Variants in ARID1A observed in about 807,000 individuals in gnomAD.
The protein encoded by ARID1A is AT-rich interactive domain-containing protein 1A.
In ARID1A, 20 loss-of-function variants were observed where a neutral mutation model predicts 212.6. That is an observed-to-expected ratio of 0.09 (90% CI 0.07 to 0.14). ARID1A has a LOEUF of 0.14. ARID1A is among the 10% of genes least tolerant of loss of function. ARID1A has a pLI of 1.00. For missense variants in ARID1A, 2,587 were observed against 3,059.0 expected (o/e 0.85, Z 3.64); for synonymous variants, 1,376 against 1,222.1 (o/e 1.13, Z -2.63).
intron 1 of ARID1A, among the ~76,000 whole-genome samples, chr1:26,700,298 C>G (rs1306844379): frequency 6.6e-6 from 1 of 152,158 alleles, no homozygotes; most frequent in Non-Finnish European, 1.5e-5. Context: ...CTGGCGCAGT[C>G]TTAGATTAAG....
chr1:26,700,882 A>T (rs1290214247), intron 1 of ARID1A, among the ~76,000 whole-genome samples: 1 of 152,188 alleles, frequency 6.6e-6, no homozygotes, highest in Non-Finnish European at 1.5e-5. Flanking sequence ...TCTACTGTTC[A>T]TGAGAGAGCT....
chr1:26,779,850 G>A lies in ARID1A; in HGVS notation c.5952G>A (p.Val1984=), dbSNP rs2124144426. Residue 1984 remains valine, a synonymous_variant, in exon 20 of 20, where the codon GTG becomes GTA. Coordinates refer to ENST00000324856, the MANE Select transcript of ARID1A (RefSeq NM_006015.6). The part of the protein sequence containing the change: ...QDSLAKRCVC[V]SNTIRSLSFV... ...CTCTTGCCAAGCGCTGCGTCTGTGT[G>A]TCCAATACCATTCGAAGCCTGTCAT... 1 of 1,614,116 alleles carries A rather than the reference G, an allele frequency of 6.2e-7. No homozygotes were observed. Among genetic ancestry groups the A allele is most frequent in the Non-Finnish European group, 8.5e-7 (1 of 1,180,038 alleles).
At chr1:26,707,619 A>C (rs2080405834) in intron 1 of ARID1A, among the ~76,000 whole-genome samples, 1 of 152,166 alleles carries the variant, frequency 6.6e-6, no homozygotes, top group Non-Finnish European at 1.5e-5. Context: ...CTGGGATTAC[A>C]GGCGTGAGCC....
intron 1 of ARID1A, among the ~76,000 whole-genome samples, chr1:26,697,853 AGG>A (rs2080292213): frequency 3.3e-4 from 1 of 3,032 alleles, no homozygotes; most frequent in African/African-American, 1.2e-3. Context: ...GCCGGGGGTG[AGG>A]GGGTGAGGGG....
In ARID1A at chr1:26,766,210, T is replaced by C. The variant is rs2124079002; in HGVS notation, c.2733-11T>C. ...ACCTTTGTCTCTCTCACTTTCCATC[T>C]TCTTCCTTAGGCCGCCAGGCTACCC... On this transcript the variant is annotated splice_polypyrimidine_tract_variant and intron_variant, in intron 8 of 19. Coordinates refer to ENST00000324856, the MANE Select transcript of ARID1A (RefSeq NM_006015.6). 6.2e-7 allele frequency: 1 copy of C among 1,611,570 alleles called. No individual in the cohort carries two copies. The highest frequency in any genetic ancestry group is 8.5e-7 in the Non-Finnish European group (1 of 1,178,966).
At chr1:26,714,530 C>T (rs1570559734) in intron 1 of ARID1A, among the ~76,000 whole-genome samples, 1 of 152,190 alleles carries the variant, frequency 6.6e-6, no homozygotes, top group Admixed American at 6.5e-5. Flanking sequence ...TTTTCTGCCT[C>T]AGCCCAGCCT....
rs747792434 is a variant in ARID1A, at chr1:26,762,183, G to C, written c.2283G>C (p.Gln761His). Reference sequence around the variant, plus strand: ...TGCAGAGGAACCCCCAGATGCCCCAGTACAGTTCCCCCCAGCCCGGCTCAG... The same window carrying C: ...TGCAGAGGAACCCCCAGATGCCCCACTACAGTTCCCCCCAGCCCGGCTCAG... Reference protein sequence around the residue: ...GYMQRNPQMPQYSSPQPGSAL... With the variant: ...GYMQRNPQMPHYSSPQPGSAL... The change falls in exon 7 of 20, where the codon CAG becomes CAC. Residue 761 changes from glutamine to histidine, a missense_variant. Physicochemically the swap from Gln to His is conservative, Grantham distance 24. Transcript: ENST00000324856. The C allele has an allele frequency of 6.2e-7, 1 of 1,614,134 alleles. No homozygotes were observed. The highest frequency in any genetic ancestry group is 8.5e-7 in the Non-Finnish European group (1 of 1,180,020).
At chr1:26,751,042 G>T (rs1557602379) in intron 4 of ARID1A, among the ~76,000 whole-genome samples, 2 of 151,948 alleles carry the variant, frequency 1.3e-5, no homozygotes. Context: ...ATCACTTGAG[G>T]TCAGGAGTTC....
intron 6 of ARID1A, among the ~76,000 whole-genome samples, chr1:26,761,912 T>A (rs548022950): frequency 6.6e-6 from 1 of 152,294 alleles, no homozygotes; most frequent in Admixed American, 6.5e-5. Context: ...TTGGTTTTTG[T>A]CATTGTTCTT....
chr1:26,708,852 G>A (rs1215323298), intron 1 of ARID1A, among the ~76,000 whole-genome samples: 1 of 151,690 alleles, frequency 6.6e-6, no homozygotes, highest in Non-Finnish European at 1.5e-5. Context: ...CCGCCACCAC[G>A]CCCGGCTAAT....
At chr1:26,757,889 C>T (rs938150940) in intron 4 of ARID1A, among the ~76,000 whole-genome samples, 3 of 152,136 alleles carry the variant, frequency 2.0e-5, no homozygotes, top group East Asian at 1.9e-4. Context: ...CCGCCTACCT[C>T]GGCCTCCTAA....
rs191253395 is a variant in ARID1A, at chr1:26,760,698, T to A, written c.1921-158T>A. 0.081 allele frequency among the ~76,000 whole-genome samples: 12,025 copies of A among 147,864 alleles called. 591 individuals are homozygous for A. Among genetic ancestry groups the A allele is most frequent in the Non-Finnish European group, 0.12 (7,712 of 66,884 alleles). ...TGAAACACTGTCTCAAAAAAAAAAA[T>A]TTTTTTTTTTAATAAAAATAGTATC... On this transcript the variant is annotated intron_variant, in intron 4 of 19. Coordinates refer to ENST00000324856, the MANE Select transcript of ARID1A (RefSeq NM_006015.6).
At position 26,780,636 on chromosome 1, in the gene ARID1A, G is replaced by T. The variant is rs1457651807; in HGVS notation, c.6738G>T (p.Glu2246Asp). 1 of 1,612,370 alleles carries T rather than the reference G, an allele frequency of 6.2e-7. No homozygotes were observed. Among genetic ancestry groups the T allele is most frequent in the African/African-American group, 1.3e-5 (1 of 74,926 alleles). ...TGCTTGCCTTGGCCAAGGTGGACGA[G>T]AACCACTCAGAGTTTACTCTGTACG... Reference protein sequence around the residue: ...RALLALAKVDENHSEFTLYES... With the variant: ...RALLALAKVDDNHSEFTLYES... The change falls in exon 20 of 20, where the codon GAG becomes GAT. Residue 2246 changes from glutamate to aspartate, a missense_variant. Transcript: ENST00000324856. This position sits in a 1 kb window ranked among gnomAD's most constrained non-coding sequence, Gnocchi z 7.2.
intron 1 of ARID1A, chr1:26,729,019 A>C (rs562538489): frequency 6.6e-6 from 1 of 152,218 alleles, no homozygotes; most frequent in Non-Finnish European, 1.5e-5. Flanking sequence ...TTGTCTCTCA[A>C]AGAGATAAAA....
Position 26,731,343 on chromosome 1 carries a change from T to C in ARID1A, c.1542T>C (p.Ser514=), listed in dbSNP as rs2124788843. Residue 514 remains serine (S), a synonymous_variant, in exon 3 of 20, where the codon TCT becomes TCC. Transcript: ENST00000324856. ...PQSQPPQLQS[S]QPPYSQQPSQ... ...CTCAACCACCACAGCTCCAGTCCTCTCAGCCTCCATACTCCCAGCAGCCAT... is the reference window on the plus strand; with the variant it reads ...CTCAACCACCACAGCTCCAGTCCTCCCAGCCTCCATACTCCCAGCAGCCAT... 1 of 1,613,494 alleles carries C rather than the reference T, an allele frequency of 6.2e-7. No individual in the cohort carries two copies. Among genetic ancestry groups the C allele is most frequent in the East Asian group, 2.2e-5 (1 of 44,862 alleles).
intron 4 of ARID1A, among the ~76,000 whole-genome samples, chr1:26,747,040 C>CA (rs1157679010): frequency 2.0e-5 from 3 of 151,476 alleles, no homozygotes; most frequent in South Asian, 2.1e-4. Flanking sequence ...GACTCCGTGT[C>CA]AAAAAAACAA....
At chr1:26,712,380 T>G (rs2080462846) in intron 1 of ARID1A, among the ~76,000 whole-genome samples, 1 of 152,110 alleles carries the variant, frequency 6.6e-6, no homozygotes, top group Non-Finnish European at 1.5e-5. Flanking sequence ...TTGTGAAGTT[T>G]TAGTAAATAA....
Position 26,774,313 on chromosome 1 carries a change from C to T in ARID1A, c.4102-16C>T, listed in dbSNP as rs1441631410. The T allele has an allele frequency of 1.3e-6, 2 of 1,524,698 alleles. No individual in the cohort carries two copies. The highest frequency in any genetic ancestry group is 1.8e-6 in the Non-Finnish European group (2 of 1,136,218). The allele number at this position is 1,524,698 out of a possible 1,614,324, so 94.4% of individuals were successfully genotyped here. A position where few individuals can be genotyped will look rare whatever the true frequency, so the allele number is the denominator to read the frequency against. On this transcript the variant is annotated splice_polypyrimidine_tract_variant and intron_variant, in intron 17 of 19. Coordinates refer to ENST00000324856, the MANE Select transcript of ARID1A (RefSeq NM_006015.6). The surrounding 1 kb of genome is among the most constrained non-coding windows in gnomAD (Gnocchi z 5.6). ...GTGCAGAGTATTAACTTCCCCTCTGCTTGTCTCTGCCTTAGAATTACAAGC... is the reference window on the plus strand; with the variant it reads ...GTGCAGAGTATTAACTTCCCCTCTGTTTGTCTCTGCCTTAGAATTACAAGC...
chr1:26,747,310 T>G (rs1296540056), intron 4 of ARID1A, among the ~76,000 whole-genome samples: 1 of 152,182 alleles, frequency 6.6e-6, no homozygotes, highest in Non-Finnish European at 1.5e-5. Context: ...GAGGCAGAGC[T>G]TACCTCCAAG....
Sources: gnomAD v4.1 joint callset for allele counts (sites outside exome capture counted in the v4.1 genomes callset) on GRCh38, gnomAD v4.1.1 for gene constraint, Gnocchi (gnomAD v3.1) non-coding constraint, MANE v1.5 for transcripts, NCBI Gene and HGNC (gene_info 2026-07-23, HGNC 2026-07-21) for gene names.